MYCBP2: variants seen among roughly 807,000 people sequenced by gnomAD.
MYCBP2 encodes the protein E3 ubiquitin-protein ligase MYCBP2.
In MYCBP2, 120 loss-of-function variants were observed where a neutral mutation model predicts 525.3. That is an observed-to-expected ratio of 0.23 (90% CI 0.20 to 0.27). The LOEUF is 0.27. Ranked by LOEUF, MYCBP2 falls within the 10% of genes least tolerant of loss-of-function variation. The probability of loss-of-function intolerance (pLI) is 1.00; values close to 1 mark genes in which losing one functional copy is unlikely to be tolerated. For synonymous variants in MYCBP2, 1,894 were observed against 1,955.8 expected (o/e 0.97, Z 0.83); for missense variants, 4,149 against 5,657.1 (o/e 0.73, Z 8.55).
At chr13:77,216,952 A>T (rs1393744527) in intron 21 of MYCBP2, among the ~76,000 whole-genome samples, 1 of 152,220 alleles carries the variant, frequency 6.6e-6, no homozygotes, top group East Asian at 1.9e-4. Context: ...GTACACACAC[A>T]CATTTGTGCA....
intron 3 of MYCBP2, 125 bp from the exon 4 acceptor site, chr13:77,279,036 T>A: frequency 1.9e-6 from 1 of 524,928 alleles, no homozygotes; most frequent in Non-Finnish European, 3.0e-6. Context: ...GGAGCCATAA[T>A]AAAACATCAT....
chr13:77,070,159 A>G lies in MYCBP2; in HGVS notation c.11904+472T>C, dbSNP rs906697343. The stretch of plus-strand genomic sequence containing the variant: ...ACCCATAACAAATAGCAGCAAGGTA[A>G]GCAAGTTTTCATAAGTAAAATCTTT... On this transcript the variant is annotated intron_variant, in intron 69 of 82. Coordinates refer to ENST00000544440, the MANE Select transcript of MYCBP2 (RefSeq NM_015057.5). Among the ~76,000 whole-genome samples, 5 of 152,232 alleles carry G rather than the reference A, an allele frequency of 3.3e-5. No homozygotes were observed. In the East Asian group the frequency reaches 5.8e-4, roughly 18 times the overall value.
intron 3 of MYCBP2, among the ~76,000 whole-genome samples, chr13:77,286,691 G>A (rs1301787467): frequency 7.6e-6 from 1 of 131,230 alleles, no homozygotes; most frequent in Non-Finnish European, 1.6e-5. Flanking sequence ...GGGAGGCGGA[G>A]CTTGCAGTGA....
intron 12 of MYCBP2, 40 bp from the exon 13 acceptor site, chr13:77,260,632 A>T (rs1477827403): frequency 6.9e-7 from 1 of 1,454,550 alleles, no homozygotes; most frequent in Non-Finnish European, 9.3e-7. Flanking sequence ...ACCTCTATGT[A>T]CAAATAATAA....
At chr13:77,093,142 C>A (rs373866521) in intron 59 of MYCBP2, 23 bp downstream of exon 59, 1 of 1,584,822 alleles carries the variant, frequency 6.3e-7, no homozygotes, top group Non-Finnish European at 8.6e-7. Context: ...AGCTATTCAA[C>A]AGACAGGAGA....
chr13:77,195,005 G>C (rs2061620205), intron 26 of MYCBP2, among the ~76,000 whole-genome samples: 1 of 139,316 alleles, frequency 7.2e-6, no homozygotes, highest in Non-Finnish European at 1.6e-5. Context: ...ATGAAGAAGA[G>C]GTCTTTTTAA....
intron 17 of MYCBP2, among the ~76,000 whole-genome samples, chr13:77,240,865 A>G (rs963641472): frequency 1.3e-5 from 2 of 152,188 alleles, no homozygotes; most frequent in Non-Finnish European, 2.9e-5. Context: ...GATATTCACT[A>G]TATATTGTTT....
chr13:77,174,567 G>A, intron 36 of MYCBP2, 78 bp from the exon 37 acceptor site: 1 of 1,063,052 alleles, frequency 9.4e-7, no homozygotes, highest in South Asian at 1.7e-5. Context: ...CAGTAAAATA[G>A]GCAAATATAC....
In MYCBP2 at chr13:77,059,625, G is replaced by A. The variant is rs767535931; in HGVS notation, c.13038C>T (p.Gly4346=). ...CTTCTGAGCTACTCGTGGTGGGTTT[G>A]CCTAGGTTCAAGCAGAAAAATAAAA... ...KAMVEFREHT[G]KPTTSSSEAC... Residue 4346 remains glycine, a splice_region_variant and synonymous_variant, in exon 77 of 83, where the codon GGC becomes GGT. Coordinates refer to ENST00000544440, the MANE Select transcript of MYCBP2 (RefSeq NM_015057.5). 6.2e-7 allele frequency: 1 copy of A among 1,612,124 alleles called. No homozygotes were observed. Among genetic ancestry groups the A allele is most frequent in the Non-Finnish European group, 8.5e-7 (1 of 1,178,252 alleles).
chr13:77,232,099 TTA>T (rs922812567), intron 18 of MYCBP2, among the ~76,000 whole-genome samples: 20 of 152,190 alleles, frequency 1.3e-4, no homozygotes, highest in African/African-American at 4.6e-4. Context: ...TCTATTTTGT[TTA>T]TGTTTTTGTT....
intron 55 of MYCBP2, among the ~76,000 whole-genome samples, chr13:77,103,895 ATAT>A (rs2047454811): frequency 6.6e-6 from 1 of 152,074 alleles, no homozygotes; most frequent in African/African-American, 2.4e-5. Flanking sequence ...CCTACTTCTG[ATAT>A]CAAATCTCAT....
rs149334563 is a variant in MYCBP2 at position 77,269,935 on chromosome 13, CA to C, written c.1260+56del. 6.4e-3 allele frequency: 8,204 copies of C among 1,285,516 alleles called. 381 individuals are homozygous for C. In the African/African-American group the frequency reaches 0.1, roughly 16 times the overall value. 79.6% of individuals were successfully genotyped at this position (1,285,516 alleles called of 1,614,324 possible). A position where few individuals can be genotyped will look rare whatever the true frequency, so the allele number is the denominator to read the frequency against. ...AGTGATATTACTGATTAAACAAGGA[CA>C]AATCACATGTTGTAAAAGATAAGAA... On this transcript the variant is annotated intron_variant, in intron 7 of 82. Coordinates refer to ENST00000544440, the MANE Select transcript of MYCBP2 (RefSeq NM_015057.5).
chr13:77,287,903 CT>C (rs151151673), intron 3 of MYCBP2, among the ~76,000 whole-genome samples: 87 of 152,230 alleles, frequency 5.7e-4, no homozygotes, highest in African/African-American at 2.0e-3. Context: ...TTAATTGCCC[CT>C]ATAACAGACT....
At chr13:77,050,033 G>A (rs1017097738) in intron 82 of MYCBP2, among the ~76,000 whole-genome samples, 11 of 150,224 alleles carry the variant, frequency 7.3e-5, no homozygotes, top group Non-Finnish European at 1.2e-4. Flanking sequence ...AAACTGATGC[G>A]TAATATTAGC....
chr13:77,250,121 G>A (rs2070910681), intron 15 of MYCBP2, among the ~76,000 whole-genome samples: 1 of 151,366 alleles, frequency 6.6e-6, no homozygotes, highest in East Asian at 1.9e-4. Context: ...TACTTGGGAG[G>A]TCGAGGCAGG....
chr13:77,108,705 ATT>A (rs756968110), intron 55 of MYCBP2, among the ~76,000 whole-genome samples: 42 of 142,456 alleles, frequency 2.9e-4, no homozygotes, highest in African/African-American at 8.9e-4. Context: ...AAGATACTTT[ATT>A]TTTTTTTTTT....
At chr13:77,136,094 T>G (rs1302819817) in intron 52 of MYCBP2, among the ~76,000 whole-genome samples, 1 of 152,150 alleles carries the variant, frequency 6.6e-6, no homozygotes. Context: ...GCTGGCATAA[T>G]AGGCGTGAGC....
At chr13:77,171,152 G>A (rs1008286634) in intron 38 of MYCBP2, among the ~76,000 whole-genome samples, 1 of 152,112 alleles carries the variant, frequency 6.6e-6, no homozygotes, top group Non-Finnish European at 1.5e-5. Flanking sequence ...AGTTTTGGGT[G>A]GATAGCGATA....
At chr13:77,181,644 A>G in intron 33 of MYCBP2, 57 bp downstream of exon 33, 8 of 1,432,664 alleles carry the variant, frequency 5.6e-6, no homozygotes, top group South Asian at 2.4e-5. Context: ...GAGGCAATAA[A>G]TAAAACCATT....
Sources: allele counts gnomAD v4.1 joint callset (sites outside exome capture counted in the v4.1 genomes callset), GRCh38; gene constraint gnomAD v4.1.1; transcripts MANE v1.5; gene names NCBI Gene and HGNC (gene_info 2026-07-23, HGNC 2026-07-21).